The following CCSER2 variants were observed in gnomAD, a reference collection of about 807,000 sequenced individuals.
The protein encoded by CCSER2 is coiled-coil serine rich protein 2, also known as serine-rich coiled-coil domain-containing protein 2.
Under a neutral mutation model 92.3 loss-of-function variants are expected in CCSER2, and 46 were observed. The observed-to-expected ratio is 0.50, with a 90% CI of 0.39 to 0.64. CCSER2 has a LOEUF of 0.64. Ranked by LOEUF, CCSER2 falls within the 30% of genes least tolerant of loss-of-function variation. The pLI is 0.00. For missense variants in CCSER2, 1,244 were observed against 1,238.9 expected (o/e 1.00, Z -0.06); for synonymous variants, 433 against 431.4 (o/e 1.00, Z -0.04).
At position 84,417,852 on chromosome 10, in the gene CCSER2, C is replaced by G; in HGVS notation, c.1696C>G (p.Leu566Val). The G allele has an allele frequency of 6.5e-7, 1 of 1,543,706 alleles. No individual in the cohort carries two copies. The highest frequency in any genetic ancestry group is 9.0e-7 in the Non-Finnish European group (1 of 1,116,152). The change falls in exon 4 of 10, where the codon CTT becomes GTT. Residue 566 changes from leucine (L) to valine (V), a missense_variant. Coordinates refer to ENST00000372088, the MANE Select transcript of CCSER2 (RefSeq NM_001284240.2). ...LDVDLPEDAPLENVECDNMNR... is the reference protein window; with the variant it reads ...LDVDLPEDAPVENVECDNMNR... ...TGTGGATCTGCCTGAGGATGCACCT[C>G]TTGAAAATGGTAAGTTGAGACAATA...
chr10:84,492,312 C>A (rs894170672), intron 9 of CCSER2, among the ~76,000 whole-genome samples: 4 of 151,034 alleles, frequency 2.6e-5, no homozygotes, highest in African/African-American at 9.7e-5. Context: ...AAATTGATTT[C>A]TGTATATTGA....
intron 1 of CCSER2, among the ~76,000 whole-genome samples, chr10:84,333,702 A>G (rs532454855): frequency 6.6e-6 from 1 of 152,368 alleles, no homozygotes; most frequent in South Asian, 2.1e-4. Flanking sequence ...ATGAAGGCTA[A>G]ACCTTGAGGT....
rs187062063 is a variant in CCSER2 at position 84,443,236 on chromosome 10, G to A, written c.2064+4529G>A. Among the ~76,000 whole-genome samples, 12 of 152,224 alleles carry A rather than the reference G, an allele frequency of 7.9e-5. No homozygotes were observed. The East Asian group carries it at 2.1e-3, about 27-fold the overall frequency. Reference sequence around the variant, plus strand: ...ACCTAGAGAATGGGAGAAAATTTTTGCAATCTGTCCATCTGACAAAGGTCT... The same window carrying A: ...ACCTAGAGAATGGGAGAAAATTTTTACAATCTGTCCATCTGACAAAGGTCT... On this transcript the variant is annotated intron_variant, in intron 6 of 9. Transcript: ENST00000372088.
intron 1 of CCSER2, among the ~76,000 whole-genome samples, chr10:84,367,156 T>C (rs1428789321): frequency 1.3e-5 from 2 of 152,170 alleles, no homozygotes; most frequent in Non-Finnish European, 2.9e-5. Flanking sequence ...TTTCATTAAC[T>C]TAAATAGGAT....
chr10:84,366,396 TG>T (rs1845778490), intron 1 of CCSER2, among the ~76,000 whole-genome samples: 1 of 152,222 alleles, frequency 6.6e-6, no homozygotes, highest in Non-Finnish European at 1.5e-5. Context: ...CTATTAAATT[TG>T]TAGTCCTGTA....
intron 4 of CCSER2, among the ~76,000 whole-genome samples, chr10:84,419,695 GA>G (rs1843046504): frequency 6.6e-6 from 1 of 152,048 alleles, no homozygotes; most frequent in South Asian, 2.1e-4. Context: ...TGCTGAAAAA[GA>G]AAAAAATCAC....
At chr10:84,471,983 GATAA>G (rs1460732185) in intron 8 of CCSER2, among the ~76,000 whole-genome samples, 4 of 151,752 alleles carry the variant, frequency 2.6e-5, no homozygotes, top group Non-Finnish European at 5.9e-5. Flanking sequence ...AATATACTTA[GATAA>G]ATTATAATGT....
Position 84,433,387 on chromosome 10 carries a change from A to G in CCSER2, c.1869-5125A>G, listed in dbSNP as rs187705019. On this transcript the variant is annotated intron_variant, in intron 5 of 9. Coordinates refer to ENST00000372088, the MANE Select transcript of CCSER2 (RefSeq NM_001284240.2). ...TTTTATGAAATCAAAACTGTGACTC[A>G]GGTTACATAAGAAATGAAGAAGAAA... Among the ~76,000 whole-genome samples the G allele has an allele frequency of 5.9e-5, 9 of 152,246 alleles. No individual in the cohort carries two copies. The East Asian group carries it at 1.7e-3, about 29-fold the overall frequency.
intron 6 of CCSER2, among the ~76,000 whole-genome samples, chr10:84,442,632 T>TG (rs1564668576): frequency 6.6e-6 from 1 of 152,316 alleles, no homozygotes; most frequent in South Asian, 2.1e-4. Flanking sequence ...TTATTGTTTC[T>TG]GGGGGGAAGA....
intron 3 of CCSER2, among the ~76,000 whole-genome samples, chr10:84,383,079 T>G (rs1215478219): frequency 6.6e-6 from 1 of 152,224 alleles, no homozygotes; most frequent in Non-Finnish European, 1.5e-5. Context: ...CGTGGGTATA[T>G]GAGTTCCCTA....
intron 1 of CCSER2, among the ~76,000 whole-genome samples, chr10:84,343,641 A>G (rs1362033308): frequency 1.3e-5 from 2 of 152,232 alleles, no homozygotes; most frequent in African/African-American, 4.8e-5. Flanking sequence ...GTTATGAAGT[A>G]ATTTTTACTT....
At chr10:84,446,378 A>G (rs1844915650) in intron 6 of CCSER2, among the ~76,000 whole-genome samples, 1 of 152,034 alleles carries the variant, frequency 6.6e-6, no homozygotes, top group African/African-American at 2.4e-5. Flanking sequence ...AAAACCAATA[A>G]TTTTTCCCTC....
At chr10:84,418,374 A>G (rs12782714) in intron 4 of CCSER2, among the ~76,000 whole-genome samples, 31,901 of 152,094 alleles carry the variant, frequency 0.21, 3,607 homozygotes, top group Admixed American at 0.34. Context: ...GGTAATCCAT[A>G]TGGGAGAGGG....
At position 84,455,783 on chromosome 10, in the gene CCSER2, A is replaced by T. The variant is rs1845580633; in HGVS notation, c.2065-8150A>T. 1.5e-5 allele frequency: 17 copies of T among 1,116,692 alleles called. 1 individual carries two copies. The South Asian group carries it at 2.1e-4, about 14-fold the overall frequency. The allele number at this position is 1,116,692 out of a possible 1,614,324, so 69.2% of individuals were successfully genotyped here. A position where few individuals can be genotyped will look rare whatever the true frequency, so the allele number is the denominator to read the frequency against. On this transcript the variant is annotated intron_variant, in intron 6 of 9. Coordinates refer to ENST00000372088, the MANE Select transcript of CCSER2 (RefSeq NM_001284240.2). ...AACTTGATGAACTCCAGTTAAGGTA[A>T]TGTAGATTTTCACAGACTTATCTGA... is the stretch of plus-strand genomic sequence containing the variant.
chr10:84,332,436 A>ATTTTTTTTTT (rs1187303667), intron 1 of CCSER2, among the ~76,000 whole-genome samples: 5 of 55,206 alleles, frequency 9.1e-5, no homozygotes, highest in African/African-American at 1.1e-4. Flanking sequence ...ATATATATAT[A>ATTTTTTTTTT]TTTTTTTTTT....
In CCSER2 at chr10:84,514,480, C is replaced by T. The variant is rs369162078; in HGVS notation, c.*213C>T. ...TGAGCATAATTATCTCAGGTAAACACGAAAGTTTGCTTACCCATTTCAGAG... is the reference window on the plus strand; with the variant it reads ...TGAGCATAATTATCTCAGGTAAACATGAAAGTTTGCTTACCCATTTCAGAG... On this transcript the variant is annotated 3_prime_UTR_variant, in exon 10 of 10. Coordinates refer to ENST00000372088, the MANE Select transcript of CCSER2 (RefSeq NM_001284240.2). 5.4e-5 allele frequency: 29 copies of T among 534,802 alleles called. 1 individual carries two copies. Among genetic ancestry groups the T allele is most frequent in the East Asian group, 3.1e-4 (10 of 32,330 alleles). The allele number at this position is 534,802 out of a possible 1,614,324, so 33.1% of individuals were successfully genotyped here. A position where few individuals can be genotyped will look rare whatever the true frequency, so the allele number is the denominator to read the frequency against.
chr10:84,445,175 T>A (rs2350735), intron 6 of CCSER2, among the ~76,000 whole-genome samples: 136,770 of 152,106 alleles, frequency 0.9, 61,694 homozygotes, highest in African/African-American at 0.97. Flanking sequence ...TTTTTCTGAG[T>A]TGGAGTCTTG....
chr10:84,406,782 C>G (rs570549510), intron 3 of CCSER2, among the ~76,000 whole-genome samples: 179 of 152,332 alleles, frequency 1.2e-3, no homozygotes, highest in Non-Finnish European at 2.2e-3. Flanking sequence ...AATAGAAACT[C>G]TTTCCCACAT....
chr10:84,494,435 A>G (rs548479138), intron 9 of CCSER2, among the ~76,000 whole-genome samples: 15 of 152,194 alleles, frequency 9.9e-5, no homozygotes, highest in Non-Finnish European at 2.2e-4. Context: ...CTTAATGCCA[A>G]CCTTCTCATC....
Sources: allele counts gnomAD v4.1 joint callset (sites outside exome capture counted in the v4.1 genomes callset), GRCh38; gene constraint gnomAD v4.1.1; transcripts MANE v1.5; gene names NCBI Gene and HGNC (gene_info 2026-07-23, HGNC 2026-07-21).